Variants in ANKS1B observed in about 807,000 individuals in gnomAD.
ANKS1B encodes ankyrin repeat and sterile alpha motif domain containing 1B, also known as ankyrin repeat and sterile alpha motif domain-containing protein 1B.
In ANKS1B, 36 loss-of-function variants were observed where a neutral mutation model predicts 148.3. The observed-to-expected ratio is 0.24, with a 90% CI of 0.19 to 0.32. The LOEUF (loss-of-function observed/expected upper bound fraction) is 0.32. Among genes scored for constraint, ANKS1B ranks in the 10% least tolerant of loss-of-function variants. The pLI is 1.00. For missense variants in ANKS1B, 1,157 were observed against 1,542.6 expected (o/e 0.75, Z 4.19); for synonymous variants, 542 against 560.8 (o/e 0.97, Z 0.47).
At chr12:99,145,663 G>A (rs1462296166) in intron 15 of ANKS1B, among the ~76,000 whole-genome samples, 2 of 152,120 alleles carry the variant, frequency 1.3e-5, no homozygotes, top group Non-Finnish European at 2.9e-5. Flanking sequence ...CCAGAAGTAT[G>A]ACAAACGGAG....
At chr12:99,833,947 A>C (rs770261027) in intron 1 of ANKS1B, among the ~76,000 whole-genome samples, 1 of 152,160 alleles carries the variant, frequency 6.6e-6, no homozygotes, top group African/African-American at 2.4e-5. Context: ...TTTAGAATGG[A>C]AAGTTAGCAT....
intron 17 of ANKS1B, among the ~76,000 whole-genome samples, chr12:98,890,166 A>G (rs1222702996): frequency 6.6e-6 from 1 of 152,170 alleles, no homozygotes; most frequent in Non-Finnish European, 1.5e-5. Flanking sequence ...TTTGTAAATA[A>G]CGCTGAAATT....
Position 99,246,779 on chromosome 12 carries a change from T to G in ANKS1B, c.1842A>C (p.Pro614=). Residue 614 remains proline (P), a synonymous_variant, in exon 13 of 27, where the codon CCA becomes CCC. Transcript: ENST00000683438. ...ATGGATTTTCAGGGGACTCACAGGC[T>G]GGAGAGGATCCATGGAGCAGGCCTG... is the stretch of plus-strand genomic sequence containing the variant. The part of the protein sequence containing the change: ...QFAGLLHGSS[P]ACESPENPFH... The G allele has an allele frequency of 6.2e-7, 1 of 1,613,442 alleles. No individual in the cohort carries two copies. Among genetic ancestry groups the G allele is most frequent in the Non-Finnish European group, 8.5e-7 (1 of 1,179,796 alleles).
In ANKS1B at chr12:99,813,563, T is replaced by C. The variant is rs117344477; in HGVS notation, c.216-1252A>G. Among the ~76,000 whole-genome samples the C allele has an allele frequency of 3.1e-3, 473 of 151,566 alleles. 13 individuals carry two copies. The East Asian group carries it at 0.072, about 23-fold the overall frequency. On this transcript the variant is annotated intron_variant, in intron 2 of 26. Coordinates refer to ENST00000683438, the MANE Select transcript of ANKS1B (RefSeq NM_001352186.2). ...AATAGAAGGAAGATTAGAATTTTGA[T>C]AGCTCACAAGAAAAACAGATATGAT... is the stretch of plus-strand genomic sequence containing the variant.
intron 17 of ANKS1B, among the ~76,000 whole-genome samples, chr12:98,883,552 T>A (rs756893778): frequency 6.6e-6 from 1 of 152,226 alleles, no homozygotes; most frequent in Non-Finnish European, 1.5e-5. Context: ...GTTGATTTAA[T>A]GTACGATGCT....
chr12:99,830,515 A>G (rs1008408318), intron 1 of ANKS1B, among the ~76,000 whole-genome samples: 1 of 152,078 alleles, frequency 6.6e-6, no homozygotes, highest in Non-Finnish European at 1.5e-5. Flanking sequence ...TTATGAAAGC[A>G]TATCATAAAA....
At position 99,775,530 on chromosome 12, in the gene ANKS1B, T is replaced by G. The variant is rs751839231; in HGVS notation, c.961+18A>C. ...CAAGTCTAGTATAGATTCCAGGGCT[T>G]TATAATTAGGTACTCACTTTTGGTC... On this transcript the variant is annotated intron_variant, in intron 7 of 26. Transcript: ENST00000683438. The G allele has an allele frequency of 5.8e-6, 9 of 1,560,504 alleles. No homozygotes were observed. Among genetic ancestry groups the G allele is most frequent in the Non-Finnish European group, 4.4e-6 (5 of 1,131,726 alleles).
intron 12 of ANKS1B, among the ~76,000 whole-genome samples, chr12:99,399,130 G>C (rs932672392): frequency 6.6e-6 from 1 of 152,080 alleles, no homozygotes; most frequent in Non-Finnish European, 1.5e-5. Context: ...TGTTTTACTA[G>C]TGGGTGGTGT....
chr12:99,032,961 T>G (rs1421099159), intron 17 of ANKS1B, among the ~76,000 whole-genome samples: 3 of 152,236 alleles, frequency 2.0e-5, no homozygotes, highest in African/African-American at 7.2e-5. Flanking sequence ...GTAGTGATAT[T>G]AAAGAGTATT....
At chr12:99,387,824 A>G (rs2093929704) in intron 12 of ANKS1B, among the ~76,000 whole-genome samples, 1 of 134,662 alleles carries the variant, frequency 7.4e-6, no homozygotes, top group South Asian at 2.1e-4. Context: ...AACAGCCCGA[A>G]TGAACTAAAA....
intron 9 of ANKS1B, among the ~76,000 whole-genome samples, chr12:99,576,978 G>A (rs2097525628): frequency 6.6e-6 from 1 of 151,850 alleles, no homozygotes; most frequent in East Asian, 1.9e-4. Context: ...TATAGCACTA[G>A]AAACCTACAT....
At chr12:99,105,447 T>C (rs1379231608) in intron 15 of ANKS1B, among the ~76,000 whole-genome samples, 1 of 152,156 alleles carries the variant, frequency 6.6e-6, no homozygotes. Context: ...GTTGTAGCTT[T>C]AGTGTTCTGC....
At chr12:98,936,621 G>C (rs779590975) in intron 17 of ANKS1B, among the ~76,000 whole-genome samples, 4 of 151,074 alleles carry the variant, frequency 2.6e-5, no homozygotes, top group Non-Finnish European at 5.9e-5. Flanking sequence ...GTGAGACTCT[G>C]TTAAAAAAAA....
intron 8 of ANKS1B, among the ~76,000 whole-genome samples, chr12:99,768,563 C>G (rs538749858): frequency 6.6e-6 from 1 of 152,100 alleles, no homozygotes; most frequent in Non-Finnish European, 1.5e-5. Context: ...CGCAGTGGCT[C>G]ACACCTGTAA....
chr12:99,051,987 T>C (rs2099966404), intron 17 of ANKS1B, among the ~76,000 whole-genome samples: 1 of 152,242 alleles, frequency 6.6e-6, no homozygotes, highest in Non-Finnish European at 1.5e-5. Context: ...GAAACTTATT[T>C]GCTTTATCTC....
intron 12 of ANKS1B, among the ~76,000 whole-genome samples, chr12:99,336,162 G>T (rs190464995): frequency 6.6e-6 from 1 of 151,888 alleles, no homozygotes; most frequent in Non-Finnish European, 1.5e-5. Flanking sequence ...CCATTTATAC[G>T]TCTTCTATTG....
At chr12:99,367,166 C>T (rs1442595744) in intron 12 of ANKS1B, among the ~76,000 whole-genome samples, 2 of 152,190 alleles carry the variant, frequency 1.3e-5, no homozygotes, top group Admixed American at 6.5e-5. Context: ...AAATCATCCC[C>T]AGCTGGGGAC....
chr12:99,520,917 C>T (rs1347884916), intron 9 of ANKS1B, among the ~76,000 whole-genome samples: 4 of 152,118 alleles, frequency 2.6e-5, no homozygotes, highest in Non-Finnish European at 5.9e-5. Flanking sequence ...CTGCTTCAGC[C>T]TTTAAGTAGC....
At chr12:99,649,470 C>G (rs11609107) in intron 9 of ANKS1B, 1 of 1,226,150 alleles carries the variant, frequency 8.2e-7, no homozygotes, top group African/African-American at 1.5e-5. Flanking sequence ...CCTATAGTGC[C>G]TGATGAAGGG....
Sources: gnomAD v4.1 joint callset for allele counts (sites outside exome capture counted in the v4.1 genomes callset) on GRCh38, gnomAD v4.1.1 for gene constraint, MANE v1.5 for transcripts, NCBI Gene and HGNC (gene_info 2026-07-23, HGNC 2026-07-21) for gene names.